NALCN: variants seen among roughly 807,000 people sequenced by gnomAD.
NALCN encodes sodium leak channel NALCN.
Under a neutral mutation model 225.3 loss-of-function variants are expected in NALCN, and 111 were observed. That is an observed-to-expected ratio of 0.49 (90% CI 0.42 to 0.58). The LOEUF is 0.58. NALCN is among the 20% of genes least tolerant of loss of function. The pLI is 0.00. For missense variants in NALCN, 1,378 were observed against 2,202.4 expected, an observed-to-expected ratio of 0.63 and a Z score of 7.49; for synonymous variants, 764 against 769.0, an observed-to-expected ratio of 0.99 and a Z score of 0.11.
At chr13:101,338,347 T>C (rs2045449092) in intron 7 of NALCN, among the ~76,000 whole-genome samples, 1 of 152,192 alleles carries the variant, frequency 6.6e-6, no homozygotes, top group Non-Finnish European at 1.5e-5. Flanking sequence ...TTTTTGAAAA[T>C]GGGCTTTTGT....
At chr13:101,114,725 T>C (rs910512132) in intron 18 of NALCN, among the ~76,000 whole-genome samples, 1 of 152,180 alleles carries the variant, frequency 6.6e-6, no homozygotes, top group Non-Finnish European at 1.5e-5. Flanking sequence ...GAAAAACGTG[T>C]TGTTTAAATC....
chr13:101,075,366 A>G (rs1207979872), intron 35 of NALCN, among the ~76,000 whole-genome samples: 2 of 151,308 alleles, frequency 1.3e-5, no homozygotes, highest in Non-Finnish European at 2.9e-5. Flanking sequence ...GAGGCAGGAG[A>G]ATCACTTGAA....
At chr13:101,122,175 TCA>T (rs1157536792) in intron 18 of NALCN, among the ~76,000 whole-genome samples, 5 of 152,136 alleles carry the variant, frequency 3.3e-5, no homozygotes, top group Admixed American at 1.3e-4. Flanking sequence ...TCCCAAAATA[TCA>T]GTTTGATTTT....
intron 11 of NALCN, among the ~76,000 whole-genome samples, chr13:101,257,205 T>C (rs780477514): frequency 3.9e-5 from 5 of 129,110 alleles, no homozygotes; most frequent in Non-Finnish European, 8.4e-5. Flanking sequence ...TCTTATTGTT[T>C]ATTGTTTTTT....
intron 40 of NALCN, among the ~76,000 whole-genome samples, chr13:101,064,520 C>T (rs770258485): frequency 1.6e-4 from 24 of 151,394 alleles, no homozygotes; most frequent in Admixed American, 8.6e-4. Flanking sequence ...TAATGTAATA[C>T]GACAGATGTT....
chr13:101,124,703 CTTTTAGTTT>C, intron 17 of NALCN, 22 bp from the exon 18 acceptor site: 1 of 1,603,598 alleles, frequency 6.2e-7, no homozygotes, highest in Non-Finnish European at 8.5e-7. Context: ...AAGAGTATGA[CTTTTAGTTT>C]TGGAATGTTA....
Position 101,373,837 on chromosome 13 carries a change from G to A in NALCN, c.644+2863C>T, listed in dbSNP as rs564605988. 5.9e-5 allele frequency among the ~76,000 whole-genome samples: 9 copies of A among 152,184 alleles called. No homozygotes were observed. In the South Asian group the frequency reaches 1.0e-3, roughly 18 times the overall value. On this transcript the variant is annotated intron_variant, in intron 6 of 43. Coordinates refer to ENST00000251127, the MANE Select transcript of NALCN (RefSeq NM_052867.4). ...ATTTGAGAAGGATCATAATTTTCAG[G>A]AAGTAGAATAATAAATGCAATAACT...
In NALCN at chr13:101,129,769, C is replaced by G. The variant is rs184842009; in HGVS notation, c.2119-5088G>C. Among the ~76,000 whole-genome samples the G allele has an allele frequency of 1.3e-3, 191 of 149,190 alleles. 2 individuals are homozygous for G. The highest frequency in any genetic ancestry group is 4.6e-3 in the African/African-American group (186 of 40,398). On this transcript the variant is annotated intron_variant, in intron 17 of 43. Coordinates refer to ENST00000251127, the MANE Select transcript of NALCN (RefSeq NM_052867.4). Reference sequence around the variant, plus strand: ...TAAGTTCTGGGGTACATGAGCAGAACGTGCAGGTTTGTTACGTAGGTATGC... The same window carrying G: ...TAAGTTCTGGGGTACATGAGCAGAAGGTGCAGGTTTGTTACGTAGGTATGC...
rs553953126 is a variant in NALCN at position 101,408,114 on chromosome 13, G to C, written c.-40+8199C>G. 2.0e-3 allele frequency among the ~76,000 whole-genome samples: 297 copies of C among 152,218 alleles called. 1 individual carries two copies. The highest frequency in any genetic ancestry group is 6.9e-3 in the African/African-American group (285 of 41,516). On this transcript the variant is annotated intron_variant, in intron 1 of 43. Coordinates refer to ENST00000251127, the MANE Select transcript of NALCN (RefSeq NM_052867.4). ...CAGGTCTTTCTGATTGCCACCCCAG[G>C]AATACTTTGCTGTCCATGTCTTCTT...
intron 14 of NALCN, 114 bp downstream of exon 14, chr13:101,191,803 G>A (rs1211965912): frequency 9.8e-7 from 1 of 1,022,694 alleles, no homozygotes; most frequent in Non-Finnish European, 1.4e-6. Flanking sequence ...AACCAGATTA[G>A]TCTGCATTAG....
At chr13:101,145,296 T>TA (rs1350796132) in intron 15 of NALCN, among the ~76,000 whole-genome samples, 2 of 152,034 alleles carry the variant, frequency 1.3e-5, no homozygotes, top group African/African-American at 2.4e-5. Flanking sequence ...ATGAAAAATT[T>TA]AAAAAAAATT....
At position 101,313,681 on chromosome 13, in the gene NALCN, G is replaced by A. The variant is rs543078728; in HGVS notation, c.800-21315C>T. On this transcript the variant is annotated intron_variant, in intron 7 of 43. Coordinates refer to ENST00000251127, the MANE Select transcript of NALCN (RefSeq NM_052867.4). ...AAAGAACAGGTGCTGGAGAGGATGT[G>A]GAGAAACAGGAACACTTTTACACTG... 1.5e-4 allele frequency among the ~76,000 whole-genome samples: 23 copies of A among 152,296 alleles called. No homozygotes were observed. In the East Asian group the frequency reaches 3.1e-3, roughly 20 times the overall value.
intron 10 of NALCN, among the ~76,000 whole-genome samples, chr13:101,265,326 T>A (rs2042561676): frequency 6.6e-6 from 1 of 152,212 alleles, no homozygotes; most frequent in Admixed American, 6.5e-5. Context: ...TCTGTAACTT[T>A]GACAACTACA....
chr13:101,303,192 C>G (rs796149253), intron 7 of NALCN, among the ~76,000 whole-genome samples: 50 of 152,130 alleles, frequency 3.3e-4, no homozygotes, highest in African/African-American at 1.2e-3. Flanking sequence ...GAAACAGAAA[C>G]CAGAAGTCAA....
chr13:101,351,091 G>A (rs913982496), intron 6 of NALCN, among the ~76,000 whole-genome samples: 9 of 152,034 alleles, frequency 5.9e-5, no homozygotes, highest in Non-Finnish European at 8.8e-5. Context: ...TATAGTAGAT[G>A]TTTAATAATT....
intron 15 of NALCN, among the ~76,000 whole-genome samples, chr13:101,150,856 A>G (rs1304780169): frequency 6.6e-6 from 1 of 152,218 alleles, no homozygotes; most frequent in Non-Finnish European, 1.5e-5. Flanking sequence ...TGTTTTTAAG[A>G]TCATGATTCT....
At chr13:101,315,634 C>A (rs2044526197) in intron 7 of NALCN, among the ~76,000 whole-genome samples, 1 of 152,114 alleles carries the variant, frequency 6.6e-6, no homozygotes. Flanking sequence ...AATATATAAT[C>A]TCTCAAGAAA....
intron 15 of NALCN, among the ~76,000 whole-genome samples, chr13:101,174,873 C>T (rs2038894174): frequency 6.6e-6 from 1 of 152,134 alleles, no homozygotes; most frequent in Admixed American, 6.5e-5. Flanking sequence ...GCATAATAAC[C>T]ATGGCATGAA....
chr13:101,264,979 C>T (rs2042551096), intron 10 of NALCN, among the ~76,000 whole-genome samples: 1 of 152,146 alleles, frequency 6.6e-6, no homozygotes. Flanking sequence ...GTGAAAAAAG[C>T]AAGGAAGCCA....
Sources: gnomAD v4.1 joint callset for allele counts (sites outside exome capture counted in the v4.1 genomes callset) on GRCh38, gnomAD v4.1.1 for gene constraint, MANE v1.5 for transcripts, NCBI Gene and HGNC (gene_info 2026-07-23, HGNC 2026-07-21) for gene names.